The following C1S variants were observed in gnomAD, a reference collection of about 807,000 sequenced individuals.
C1S encodes complement C1s subcomponent.
In C1S, 31 loss-of-function variants were observed where a neutral mutation model predicts 54.0. The observed-to-expected ratio is 0.57, with a 90% CI of 0.43 to 0.78. C1S has a LOEUF of 0.78. Among genes scored for constraint, C1S ranks in the 30% least tolerant of loss-of-function variants. The pLI is 0.00. For synonymous variants in C1S, 292 were observed against 303.6 expected (o/e 0.96, Z 0.40); for missense variants, 727 against 851.8 (o/e 0.85, Z 1.82).
At chr12:7,068,726 A>T (rs1555162726) in intron 11 of C1S, 196 bp downstream of exon 11, 1 of 592,506 alleles carries the variant, frequency 1.7e-6, no homozygotes, top group Non-Finnish European at 3.0e-6. Flanking sequence ...AAGCCAGGCC[A>T]ACTGGAAGGA....
At position 7,069,951 on chromosome 12, in the gene C1S, A is replaced by G. The variant is rs1250309420; in HGVS notation, c.1367A>G (p.Asp456Gly). ...IKNFPWQVFF[D>G]NPWAGGALIN... ...AACTTCCCCTGGCAAGTCTTCTTTG[A>G]CAACCCATGGGCTGGTGGAGCGCTC... The change falls in exon 12 of 12, where the codon GAC becomes GGC. Residue 456 changes from aspartate to glycine, a missense_variant. By Grantham distance (94) the Asp-to-Gly change is moderately conservative. Around this residue, in one of 3 missense-constraint regions of C1S, gnomAD observed 360 missense variants for 453.6 expected, o/e 0.79. Transcript: ENST00000360817. 8.1e-6 allele frequency: 13 copies of G among 1,614,046 alleles called. No homozygotes were observed. Among genetic ancestry groups the G allele is most frequent in the East Asian group, 2.2e-5 (1 of 44,888 alleles).
chr12:7,062,583 A>G lies in C1S; in HGVS notation c.114A>G (p.Lys38=), dbSNP rs1435830847. The G allele has an allele frequency of 1.2e-6, 2 of 1,613,884 alleles. No homozygotes were observed. The highest frequency in any genetic ancestry group is 1.3e-5 in the African/African-American group (1 of 74,916). Reference sequence around the variant, plus strand: ...AGGCATATCCCAGTGAGGTAGAGAAATCTTGGGACATAGAAGTTCCTGAAG... The same window carrying G: ...AGGCATATCCCAGTGAGGTAGAGAAGTCTTGGGACATAGAAGTTCCTGAAG... The part of the protein sequence containing the change: ...YPQAYPSEVE[K]SWDIEVPEGY... Residue 38 remains lysine (K), a synonymous_variant, in exon 3 of 12, where the codon AAA becomes AAG. Transcript: ENST00000360817.
intron 7 of C1S, 117 bp downstream of exon 7, chr12:7,066,087 G>T: frequency 1.1e-6 from 1 of 938,632 alleles, no homozygotes; most frequent in East Asian, 2.5e-5. Flanking sequence ...CAGCTACCGA[G>T]GGAGGCTGAG....
Position 7,070,130 on chromosome 12 carries a change from C to G in C1S, c.1546C>G (p.Leu516Val), listed in dbSNP as rs1555162978. 3 of 1,614,088 alleles carry G rather than the reference C, an allele frequency of 1.9e-6. No homozygotes were observed. Among genetic ancestry groups the G allele is most frequent in the Non-Finnish European group, 2.5e-6 (3 of 1,180,046 alleles). Residue 516 changes from leucine to valine, a missense_variant, in exon 12 of 12, where the codon CTG (leucine) becomes GTG (valine). This residue lies in a region of C1S where 360 missense variants were observed against 453.6 expected (regional missense o/e 0.79). Coordinates refer to ENST00000360817, the MANE Select transcript of C1S (RefSeq NM_001734.5). The surrounding 1 kb of genome is among the most constrained non-coding windows in gnomAD (Gnocchi z 4.9). ...TGTGTTTATTCATCCGGGATGGAAG[C>G]TGCTGGAAGTCCCAGAAGGACGAAC... ...EHVFIHPGWK[L>V]LEVPEGRTNF... is the part of the protein sequence containing the mutation.
At chr12:7,063,650 G>A (rs1362815940) in intron 4 of C1S, among the ~76,000 whole-genome samples, 3 of 152,156 alleles carry the variant, frequency 2.0e-5, no homozygotes, top group African/African-American at 7.2e-5. Context: ...AGAAGGCATC[G>A]TCATGATGTT....
Position 7,061,859 on chromosome 12 carries a change from A to G in C1S, c.-54A>G, listed in dbSNP as rs1463961787. 6 of 1,612,448 alleles carry G rather than the reference A, an allele frequency of 3.7e-6. No homozygotes were observed. The highest frequency in any genetic ancestry group is 4.2e-6 in the Non-Finnish European group (5 of 1,178,628). ...CTTAGGCTCCAAAGTCCGGAGGTGCAGAAAGCCAGGACCAAGAGACAGGCA... is the reference window on the plus strand; with the variant it reads ...CTTAGGCTCCAAAGTCCGGAGGTGCGGAAAGCCAGGACCAAGAGACAGGCA... On this transcript the variant is annotated 5_prime_UTR_variant, in exon 2 of 12. Transcript: ENST00000360817.
intron 10 of C1S, among the ~76,000 whole-genome samples, chr12:7,068,102 C>A (rs967307074): frequency 3.3e-5 from 5 of 152,174 alleles, no homozygotes; most frequent in African/African-American, 1.2e-4. Context: ...CTTTAAGCCA[C>A]CAAACTACAC....
intron 1 of C1S, 57 bp from the exon 2 acceptor site, chr12:7,061,782 A>G: frequency 1.0e-6 from 1 of 981,978 alleles, no homozygotes; most frequent in Non-Finnish European, 1.6e-6. Flanking sequence ...ACGCCGCACC[A>G]CCAAAGAAGG....
rs376183132 is a variant in C1S at position 7,062,107 on chromosome 12, T to TAA, written c.5+203_5+204dup. On this transcript the variant is annotated intron_variant, in intron 2 of 11. Transcript: ENST00000360817. ...CAACATAAGGAGACCCTGTCTCTATTAAAAAAAAAAAAAATTAGCCCAGCG... is the reference window on the plus strand; with the variant it reads ...CAACATAAGGAGACCCTGTCTCTATTAAAAAAAAAAAAAAAATTAGCCCAGCG... The TAA allele has an allele frequency of 3.4e-3, 1,782 of 528,318 alleles. 13 individuals carry two copies. Among genetic ancestry groups the TAA allele is most frequent in the African/African-American group, 0.018 (906 of 48,980 alleles). 32.7% of individuals were successfully genotyped at this position (528,318 alleles called of 1,614,324 possible). A position where few individuals can be genotyped will look rare whatever the true frequency, so the allele number is the denominator to read the frequency against.
At chr12:7,062,242 G>C in intron 2 of C1S, 1 of 571,080 alleles carries the variant, frequency 1.8e-6, no homozygotes, top group Non-Finnish European at 3.1e-6. Flanking sequence ...CTGCACTCCA[G>C]CCTGGGTGAC....
chr12:7,066,896 G>A, intron 8 of C1S, 143 bp from the exon 9 acceptor site: 1 of 732,144 alleles, frequency 1.4e-6, no homozygotes, highest in Non-Finnish European at 2.5e-6. Context: ...CATCTCCTGG[G>A]TGCTTTAGGT....
In C1S at chr12:7,066,609, T is replaced by C. The variant is rs782037388; in HGVS notation, c.963T>C (p.Cys321=). The C allele has an allele frequency of 8.1e-6, 13 of 1,612,784 alleles. No homozygotes were observed. The highest frequency in any genetic ancestry group is 1.6e-4 in the Middle Eastern group (1 of 6,084). ...YVFRDVVQIT[C]LDGFEVVEGR... ...TTAGAGATGTGGTGCAGATAACCTGTCTGGATGGGTTTGAAGTTGTGGAGG... is the reference window on the plus strand; with the variant it reads ...TTAGAGATGTGGTGCAGATAACCTGCCTGGATGGGTTTGAAGTTGTGGAGG... Residue 321 remains cysteine, a synonymous_variant, in exon 8 of 12, where the codon TGT becomes TGC. Transcript: ENST00000360817.
chr12:7,063,449 A>T (rs2135722164), intron 4 of C1S: 1 of 440,558 alleles, frequency 2.3e-6, no homozygotes, highest in East Asian at 7.0e-5. Flanking sequence ...ACTTGCCAAG[A>T]ATCACACAAG....
chr12:7,069,803 G>C, intron 11 of C1S, 52 bp from the exon 12 acceptor site: 1 of 1,453,624 alleles, frequency 6.9e-7, no homozygotes, highest in South Asian at 1.1e-5. Context: ...GGATTTGCAG[G>C]AAGCCAGCAT....
At chr12:7,068,553 G>A in intron 11 of C1S, 23 bp downstream of exon 11, 1 of 1,560,750 alleles carries the variant, frequency 6.4e-7, no homozygotes, top group Non-Finnish European at 8.8e-7. Context: ...GAGGCTTGGG[G>A]AGAGATGATA....
rs781958136 is a variant in C1S, at chr12:7,070,077, C to A, written c.1493C>A (p.Ala498Glu). Reference protein sequence around the residue: ...GSTSVQTSRLAKSKMLTPEHV... With the variant: ...GSTSVQTSRLEKSKMLTPEHV... ...ACCTCAGTGCAGACCTCACGGCTGG[C>A]AAAATCCAAGATGCTCACTCCTGAG... The change falls in exon 12 of 12, where the codon GCA becomes GAA. Residue 498 changes from alanine (A) to glutamate (E), a missense_variant. Physicochemically the swap from Ala to Glu is moderately radical, Grantham distance 107 (BLOSUM62 -1). Transcript: ENST00000360817. The surrounding 1 kb of genome is among the most constrained non-coding windows in gnomAD (Gnocchi z 4.9). 1 of 1,614,104 alleles carries A rather than the reference C, an allele frequency of 6.2e-7. No individual in the cohort carries two copies. The highest frequency in any genetic ancestry group is 1.7e-5 in the Admixed American group (1 of 60,020).
At chr12:7,066,167 C>A in intron 7 of C1S, 197 bp downstream of exon 7, 2 of 634,090 alleles carry the variant, frequency 3.2e-6, no homozygotes, top group South Asian at 3.6e-5. Flanking sequence ...AAAACCTTGT[C>A]TCTAAAACAA....
intron 4 of C1S, among the ~76,000 whole-genome samples, chr12:7,063,752 T>C (rs1217671300): frequency 2.6e-5 from 4 of 152,186 alleles, no homozygotes; most frequent in Non-Finnish European, 2.9e-5. Flanking sequence ...AGGCCGGGCA[T>C]GGTAGCTCAC....
At position 7,068,510 on chromosome 12, in the gene C1S, A is replaced by C; in HGVS notation, c.1250A>C (p.Glu417Ala). 6.2e-7 allele frequency: 1 copy of C among 1,613,644 alleles called. No individual in the cohort carries two copies. Among genetic ancestry groups the C allele is most frequent in the Non-Finnish European group, 8.5e-7 (1 of 1,179,624 alleles). The change falls in exon 11 of 12, where the codon GAG becomes GCG. Residue 417 changes from glutamate to alanine, a missense_variant. Around this residue, in one of 3 missense-constraint regions of C1S, gnomAD observed 360 missense variants for 453.6 expected, o/e 0.79. Transcript: ENST00000360817. ...GSWVNEVLGP[E>A]LPKCVPVCGV... ...TGGGTGAATGAGGTGCTGGGCCCGGAGCTGCCGAAATGTGTTCCAGGTAAG... is the reference window on the plus strand; with the variant it reads ...TGGGTGAATGAGGTGCTGGGCCCGGCGCTGCCGAAATGTGTTCCAGGTAAG...
Sources: gnomAD v4.1 joint callset for allele counts (sites outside exome capture counted in the v4.1 genomes callset) on GRCh38, gnomAD v4.1.1 for gene constraint, gnomAD v4.1.1 regional missense constraint, Gnocchi (gnomAD v3.1) non-coding constraint, MANE v1.5 for transcripts, NCBI Gene and HGNC (gene_info 2026-07-23, HGNC 2026-07-21) for gene names.